The following RIPOR2 variants were observed in gnomAD, a reference collection of about 807,000 sequenced individuals.
The protein encoded by RIPOR2 is rho family-interacting cell polarization regulator 2.
A neutral mutation model predicts 114.5 loss-of-function variants in RIPOR2; 39 were observed. The observed-to-expected ratio is 0.34, with a 90% CI of 0.26 to 0.44. RIPOR2 has a LOEUF of 0.44. Among genes scored for constraint, RIPOR2 ranks in the 20% least tolerant of loss-of-function variants. The pLI, the probability that RIPOR2 is intolerant of heterozygous loss-of-function variation, is 1.00. For synonymous variants in RIPOR2, 445 were observed against 484.4 expected (o/e 0.92, Z 1.07); for missense variants, 1,007 against 1,255.1 (o/e 0.80, Z 2.99).
At chr6:25,014,789 A>G (rs542658068) in intron 1 of RIPOR2, among the ~76,000 whole-genome samples, 1 of 152,212 alleles carries the variant, frequency 6.6e-6, no homozygotes, top group South Asian at 2.1e-4. Flanking sequence ...ACATGGCACA[A>G]ATTATTATGA....
chr6:24,996,434 C>T (rs1775049342), intron 1 of RIPOR2, among the ~76,000 whole-genome samples: 1 of 152,108 alleles, frequency 6.6e-6, no homozygotes, highest in African/African-American at 2.4e-5. Context: ...GTGAGCTCAC[C>T]TCCTCAGATC....
intron 1 of RIPOR2, among the ~76,000 whole-genome samples, chr6:24,916,256 G>A (rs1195742526): frequency 6.6e-6 from 1 of 152,134 alleles, no homozygotes; most frequent in African/African-American, 2.4e-5. Context: ...ATGAAGCCCT[G>A]TTCAAACATT....
intron 9 of RIPOR2, among the ~76,000 whole-genome samples, chr6:24,851,691 T>A (rs1306677832): frequency 6.6e-6 from 1 of 152,110 alleles, no homozygotes; most frequent in Non-Finnish European, 1.5e-5. Context: ...TGGATGTTAT[T>A]TTTCTTCAGT....
chr6:24,918,943 C>T (rs544660867), intron 1 of RIPOR2, among the ~76,000 whole-genome samples: 1 of 152,158 alleles, frequency 6.6e-6, no homozygotes, highest in Non-Finnish European at 1.5e-5. Flanking sequence ...TCTTTCCTTC[C>T]TAAGTCACTC....
At chr6:24,966,551 T>C (rs959722021) in intron 1 of RIPOR2, among the ~76,000 whole-genome samples, 3 of 152,224 alleles carry the variant, frequency 2.0e-5, no homozygotes, top group African/African-American at 4.8e-5. Context: ...TTGGGCTTGA[T>C]TGATTTAATC....
chr6:24,910,656 G>T, intron 1 of RIPOR2: 1 of 249,124 alleles, frequency 4.0e-6, no homozygotes, highest in Non-Finnish European at 6.4e-6. Flanking sequence ...GGCTTCAGAT[G>T]CCCGAACCCA....
chr6:24,985,417 C>A (rs936320611), intron 1 of RIPOR2, among the ~76,000 whole-genome samples: 3 of 151,718 alleles, frequency 2.0e-5, no homozygotes, highest in African/African-American at 7.3e-5. Context: ...TGCAAGTGAT[C>A]AAAATCTCTT....
Position 24,916,300 on chromosome 6 carries a change from GC to G in RIPOR2, c.61+19537del, listed in dbSNP as rs1277875850. 2.6e-5 allele frequency among the ~76,000 whole-genome samples: 4 copies of G among 152,282 alleles called. No homozygotes were observed. The East Asian group carries it at 7.7e-4, about 29-fold the overall frequency. On this transcript the variant is annotated intron_variant, in intron 1 of 21. Transcript: ENST00000643898. ...CATGACACTTTCCTTGGTCATCTGTGCTGTACCTGAGTCCTCTTGTAAGTCA... is the reference window on the plus strand; with the variant it reads ...CATGACACTTTCCTTGGTCATCTGTGTGTACCTGAGTCCTCTTGTAAGTCA...
intron 1 of RIPOR2, among the ~76,000 whole-genome samples, chr6:25,030,403 T>C (rs955311849): frequency 6.6e-6 from 1 of 152,116 alleles, no homozygotes; most frequent in South Asian, 2.1e-4. Flanking sequence ...ACCAGAGCTA[T>C]GGATAGAATT....
intron 1 of RIPOR2, among the ~76,000 whole-genome samples, chr6:24,961,253 C>G (rs1358742573): frequency 6.6e-6 from 1 of 152,160 alleles, no homozygotes; most frequent in Non-Finnish European, 1.5e-5. Flanking sequence ...CACTGTGGAA[C>G]AGTTTGAACT....
chr6:24,806,283 A>T lies in RIPOR2; in HGVS notation c.*90T>A. 2 of 890,242 alleles carry T rather than the reference A, an allele frequency of 2.2e-6. No homozygotes were observed. The highest frequency in any genetic ancestry group is 3.6e-6 in the Non-Finnish European group (2 of 558,568). The allele number at this position is 890,242 out of a possible 1,614,324, so 55.1% of individuals were successfully genotyped here. A position where few individuals can be genotyped will look rare whatever the true frequency, so the allele number is the denominator to read the frequency against. ...TTTTATTTCAGTTGTCGTGTCTCTC[A>T]GGCTCTAAACAATTTCCAGCCCAAA... On this transcript the variant is annotated 3_prime_UTR_variant, in exon 22 of 22. Coordinates refer to ENST00000643898, the MANE Select transcript of RIPOR2 (RefSeq NM_001286445.3).
In RIPOR2 at chr6:24,830,645, C is replaced by A; in HGVS notation, c.2370G>T (p.Leu790=). Residue 790 remains leucine, a synonymous_variant, in exon 17 of 22, where the codon CTG becomes CTT. Coordinates refer to ENST00000643898, the MANE Select transcript of RIPOR2 (RefSeq NM_001286445.3). ...VEAIPEFHKK[L]SLLSFWTKCC... is the part of the protein sequence containing the mutation. ...ACTTGGTCCAGAATGACAGCAAAGACAGCTTTTTGTGAAATTCTGGTATGG... is the reference window on the plus strand; with the variant it reads ...ACTTGGTCCAGAATGACAGCAAAGAAAGCTTTTTGTGAAATTCTGGTATGG... 1.3e-6 allele frequency: 2 copies of A among 1,551,308 alleles called. No individual in the cohort carries two copies. The highest frequency in any genetic ancestry group is 1.7e-6 in the Non-Finnish European group (2 of 1,146,930).
intron 19 of RIPOR2, among the ~76,000 whole-genome samples, chr6:24,823,669 A>G (rs1380815866): frequency 2.0e-5 from 3 of 152,382 alleles, no homozygotes; most frequent in Admixed American, 2.0e-4. Context: ...TAACAAGAGA[A>G]TATTTCACCT....
At chr6:24,953,476 T>G (rs958544730) in intron 1 of RIPOR2, among the ~76,000 whole-genome samples, 1 of 152,144 alleles carries the variant, frequency 6.6e-6, no homozygotes, top group Admixed American at 6.5e-5. Flanking sequence ...GAGGACATAA[T>G]GAGAAGGCAG....
chr6:24,952,085 A>AT (rs1308069215), intron 1 of RIPOR2, among the ~76,000 whole-genome samples: 3 of 152,286 alleles, frequency 2.0e-5, no homozygotes, highest in East Asian at 3.9e-4. Context: ...GGATGACCAC[A>AT]TTTTTTCTGT....
intron 11 of RIPOR2, 81 bp from the exon 12 acceptor site, chr6:24,848,235 C>A: frequency 7.1e-7 from 1 of 1,415,056 alleles, no homozygotes; most frequent in Non-Finnish European, 9.7e-7. Context: ...GAGAGTACCT[C>A]ATTATATAAA....
chr6:25,017,123 T>G (rs956492930), intron 1 of RIPOR2, among the ~76,000 whole-genome samples: 1 of 152,180 alleles, frequency 6.6e-6, no homozygotes, highest in East Asian at 1.9e-4. Flanking sequence ...GTGGATCACC[T>G]GAGGTCAGGA....
At chr6:25,023,512 A>T (rs1477444103) in intron 1 of RIPOR2, 1 of 771,780 alleles carries the variant, frequency 1.3e-6, no homozygotes, top group Admixed American at 1.7e-5. Context: ...ACTCAGGGCT[A>T]TGCCAGAAAG....
intron 1 of RIPOR2, among the ~76,000 whole-genome samples, chr6:24,894,514 C>A (rs948036196): frequency 1.3e-5 from 2 of 152,070 alleles, no homozygotes; most frequent in African/African-American, 2.4e-5. Flanking sequence ...TTTCCTTTTC[C>A]GTTTCTTAAT....
Sources: gnomAD v4.1 joint callset for allele counts (sites outside exome capture counted in the v4.1 genomes callset) on GRCh38, gnomAD v4.1.1 for gene constraint, MANE v1.5 for transcripts, NCBI Gene and HGNC (gene_info 2026-07-23, HGNC 2026-07-21) for gene names.